MGST1: variants seen among roughly 807,000 people sequenced by gnomAD.
The protein encoded by MGST1 is microsomal glutathione S-transferase 1.
A neutral mutation model predicts 8.9 loss-of-function variants in MGST1; 5 were observed. The observed-to-expected ratio is 0.56, with a 90% CI of 0.29 to 1.19. MGST1 has a LOEUF of 1.19. Ranked by LOEUF, MGST1 falls within the 50% of genes most tolerant of loss-of-function variation. The probability of loss-of-function intolerance (pLI) is 0.08; values close to 1 mark genes in which losing one functional copy is unlikely to be tolerated. For missense variants in MGST1, 182 were observed against 187.4 expected (o/e 0.97, Z 0.17); for synonymous variants, 54 against 67.8 (o/e 0.80, Z 1.00).
chr12:16,457,576 T>C (rs1307303137), intron 4 of MGST1, among the ~76,000 whole-genome samples: 4 of 151,992 alleles, frequency 2.6e-5, no homozygotes, highest in Non-Finnish European at 4.4e-5. Context: ...TTAGCATTGG[T>C]CCATCTATTA....
At chr12:16,399,629 A>G in intron 1 of MGST1, 2 of 1,607,618 alleles carry the variant, frequency 1.2e-6, no homozygotes, top group Non-Finnish European at 1.7e-6. Flanking sequence ...CCCCTTCTTC[A>G]GCATCACTCC....
chr12:16,548,494 T>A lies in MGST1; in HGVS notation n.483-41034T>A, dbSNP rs371066231. ...TACAAACACAGGTCAACTTTTAAAC[T>A]CAGCACTCTGTTGGAGTGGAGGTGC... On this transcript the variant is annotated intron_variant and non_coding_transcript_variant, in intron 4 of 4. Coordinates refer to the MGST1 transcript ENST00000538857. This position sits in a 1 kb window ranked among gnomAD's most constrained non-coding sequence, Gnocchi z 4.2. The A allele has an allele frequency of 1.3e-5, 2 of 152,156 alleles. No homozygotes were observed. The highest frequency in any genetic ancestry group is 4.8e-5 in the African/African-American group (2 of 41,432). The allele number at this position is 152,156 out of a possible 1,614,324, so 9.4% of individuals were successfully genotyped here.
chr12:16,408,030 CAAAAAAAAAAAA>C (rs200073692), intron 1 of MGST1, among the ~76,000 whole-genome samples: 14,578 of 44,258 alleles, frequency 0.33, 1,732 homozygotes, highest in East Asian at 0.54. Flanking sequence ...GACTCTGTCT[CAAAAAAAAAAAA>C]AAAAAAAAAA....
chr12:16,562,974 C>G (rs1228542006), intron 4 of MGST1, among the ~76,000 whole-genome samples: 2 of 152,198 alleles, frequency 1.3e-5, no homozygotes, highest in African/African-American at 4.8e-5. Context: ...TTAAAGGACT[C>G]TTGAAGCAAT....
Position 16,500,112 on chromosome 12 carries a change from A to C in MGST1, n.483-89416A>C, listed in dbSNP as rs1267731183. 6.6e-6 allele frequency among the ~76,000 whole-genome samples: 1 copy of C among 152,194 alleles called. No individual in the cohort carries two copies. Among genetic ancestry groups the C allele is most frequent in the Non-Finnish European group, 1.5e-5 (1 of 68,036 alleles). ...TTGTCAACAATTAATTATTTCTTAA[A>C]GATTATACTGTTGCCAGAGAAGTTT... On this transcript the variant is annotated intron_variant and non_coding_transcript_variant, in intron 4 of 4. Coordinates refer to the MGST1 transcript ENST00000538857. The surrounding 1 kb of genome is among the most constrained non-coding windows in gnomAD (Gnocchi z 4.3).
chr12:16,492,071 T>A (rs962051948), intron 4 of MGST1, among the ~76,000 whole-genome samples: 1 of 152,196 alleles, frequency 6.6e-6, no homozygotes, highest in African/African-American at 2.4e-5. Context: ...ATGAAAAGTA[T>A]AAATATGTAT....
chr12:16,402,177 A>C, intron 1 of MGST1: 2 of 1,566,042 alleles, frequency 1.3e-6, no homozygotes, highest in Non-Finnish European at 1.8e-6. Context: ...CAAAAACTCC[A>C]CTTTTTTTTT....
chr12:16,367,906 A>G (rs1261968235), downstream of MGST1, among the ~76,000 whole-genome samples: 1 of 151,952 alleles, frequency 6.6e-6, no homozygotes, highest in East Asian at 1.9e-4. Flanking sequence ...ATCTTTGTAT[A>G]TTTTTTCCTG....
intron 4 of MGST1, among the ~76,000 whole-genome samples, chr12:16,460,797 A>G (rs1197835753): frequency 6.6e-6 from 1 of 152,026 alleles, no homozygotes; most frequent in Non-Finnish European, 1.5e-5. Flanking sequence ...TCATAAGCGC[A>G]TGTGTGTTTT....
intron 4 of MGST1, among the ~76,000 whole-genome samples, chr12:16,565,254 A>G (rs985092894): frequency 6.6e-6 from 1 of 152,246 alleles, no homozygotes; most frequent in African/African-American, 2.4e-5. Context: ...TGTTGGATGG[A>G]AAAGTTTTAT....
intron 1 of MGST1, chr12:16,400,757 T>C: frequency 3.2e-6 from 4 of 1,267,802 alleles, no homozygotes; most frequent in African/African-American, 1.5e-5. Context: ...CATACTTATA[T>C]TCTTGATTGT....
downstream of MGST1, among the ~76,000 whole-genome samples, chr12:16,591,866 C>T (rs553426438): frequency 2.3e-4 from 35 of 152,112 alleles, no homozygotes; most frequent in South Asian, 7.0e-3. This position sits in a 1 kb window ranked among gnomAD's most constrained non-coding sequence, Gnocchi z 4.1. Flanking sequence ...ACTTTATAAC[C>T]TCCCTGCTTC....
At chr12:16,378,160 ATTT>A (rs1488826994), downstream of MGST1, among the ~76,000 whole-genome samples, 1 of 151,934 alleles carries the variant, frequency 6.6e-6, no homozygotes, top group Admixed American at 6.6e-5. Flanking sequence ...ATTAGATCCC[ATTT>A]GTCAATTTTG....
chr12:16,532,883 C>G (rs7310176), intron 4 of MGST1, among the ~76,000 whole-genome samples: 2,619 of 152,104 alleles, frequency 0.017, 76 homozygotes, highest in African/African-American at 0.06. Context: ...TGCTTTTGTA[C>G]CAAACTTATG....
intron 4 of MGST1, among the ~76,000 whole-genome samples, chr12:16,475,898 G>GTGC (rs1565461470): frequency 6.6e-6 from 1 of 151,830 alleles, no homozygotes; most frequent in African/African-American, 2.4e-5. Context: ...TAGAAAACCC[G>GTGC]TGCTTAACTA....
At chr12:16,349,281 C>T (rs1205916208) in intron 1 of MGST1, among the ~76,000 whole-genome samples, 2 of 151,964 alleles carry the variant, frequency 1.3e-5, no homozygotes, top group South Asian at 2.1e-4. Flanking sequence ...GAGAAGAGAA[C>T]TTTGCTCATT....
chr12:16,408,600 T>C (rs1191515981), intron 1 of MGST1, among the ~76,000 whole-genome samples: 1 of 152,180 alleles, frequency 6.6e-6, no homozygotes, highest in Non-Finnish European at 1.5e-5. Flanking sequence ...CTTTTAATTT[T>C]ATATTTTGCA....
At position 16,513,176 on chromosome 12, in the gene MGST1, GC is replaced by G. The variant is rs1941587676; in HGVS notation, n.483-76351del. 6.6e-6 allele frequency among the ~76,000 whole-genome samples: 1 copy of G among 152,204 alleles called. No individual in the cohort carries two copies. The highest frequency in any genetic ancestry group is 2.1e-4 in the South Asian group (1 of 4,826). ...TAACTTAATCCACTGCCTACTATTAGCTTCGATTTCTTCATCTGACTCAGTT... is the reference window on the plus strand; with the variant it reads ...TAACTTAATCCACTGCCTACTATTAGTTCGATTTCTTCATCTGACTCAGTT... On this transcript the variant is annotated intron_variant and non_coding_transcript_variant, in intron 4 of 4. Coordinates refer to the MGST1 transcript ENST00000538857. The surrounding 1 kb of genome is among the most constrained non-coding windows in gnomAD (Gnocchi z 4.2).
intron 4 of MGST1, among the ~76,000 whole-genome samples, chr12:16,479,301 C>T (rs1447359510): frequency 7.0e-6 from 1 of 142,408 alleles, no homozygotes; most frequent in Non-Finnish European, 1.5e-5. Context: ...GTGGCGCGAT[C>T]TGGGCTCACT....
Sources: allele counts gnomAD v4.1 joint callset (sites outside exome capture counted in the v4.1 genomes callset), GRCh38; gene constraint gnomAD v4.1.1; non-coding constraint Gnocchi (gnomAD v3.1); transcripts MANE v1.5; gene names NCBI Gene and HGNC (gene_info 2026-07-23, HGNC 2026-07-21).